MLC1: variants seen among roughly 807,000 people sequenced by gnomAD.
MLC1 encodes modulator of VRAC current 1.
Under a neutral mutation model 44.7 loss-of-function variants are expected in MLC1, and 32 were observed. That is an observed-to-expected ratio of 0.72 (90% confidence interval 0.54 to 0.96). The LOEUF (loss-of-function observed/expected upper bound fraction) is 0.96. Among genes scored for constraint, MLC1 ranks in the 40% least tolerant of loss-of-function variants. The pLI, the probability that MLC1 is intolerant of heterozygous loss-of-function variation, is 0.00. For synonymous variants in MLC1, 190 were observed against 213.0 expected, an observed-to-expected ratio of 0.89 and a Z score of 0.94; for missense variants, 459 against 492.2, an observed-to-expected ratio of 0.93 and a Z score of 0.64.
chr22:50,076,282 C>T (rs1363255383), intron 7 of MLC1, among the ~76,000 whole-genome samples: 3 of 152,084 alleles, frequency 2.0e-5, no homozygotes, highest in East Asian at 3.9e-4. Context: ...AGGCCAGGTG[C>T]GGTGGCTCAC....
At chr22:50,080,888 T>C (rs545663275) in intron 3 of MLC1, among the ~76,000 whole-genome samples, 177 of 152,152 alleles carry the variant, frequency 1.2e-3, no homozygotes, top group African/African-American at 4.0e-3. Flanking sequence ...CCGGGTGCAG[T>C]GGCTCACACC....
intron 6 of MLC1, 23 bp from the exon 7 acceptor site, chr22:50,076,935 C>T: frequency 1.2e-6 from 2 of 1,613,708 alleles, no homozygotes; most frequent in Non-Finnish European, 1.7e-6. Flanking sequence ...AGAACTGTCA[C>T]CCCGGGTGCA....
At chr22:50,068,654 C>A in intron 9 of MLC1, 99 bp from the exon 10 acceptor site, 1 of 1,308,222 alleles carries the variant, frequency 7.6e-7, no homozygotes, top group South Asian at 1.2e-5. Context: ...GCCGGGCACT[C>A]ATGGGCATAG....
intron 7 of MLC1, 113 bp downstream of exon 7, chr22:50,076,728 G>A (rs567877431): frequency 1.5e-5 from 16 of 1,082,214 alleles, no homozygotes; most frequent in East Asian, 4.8e-5. Context: ...GCCGCCATGC[G>A]GTGTAGACAG....
chr22:50,071,311 C>T (rs1413961542), intron 8 of MLC1, among the ~76,000 whole-genome samples: 3 of 152,110 alleles, frequency 2.0e-5, no homozygotes, highest in Non-Finnish European at 2.9e-5. Flanking sequence ...AGGCTGGTCT[C>T]GAACTCCTGA....
chr22:50,069,789 AG>A (rs2061804585), intron 9 of MLC1, among the ~76,000 whole-genome samples: 1 of 152,208 alleles, frequency 6.6e-6, no homozygotes, highest in African/African-American at 2.4e-5. Flanking sequence ...TGACCCATCA[AG>A]TCTCAGAGAC....
intron 3 of MLC1, among the ~76,000 whole-genome samples, chr22:50,081,879 C>T (rs1441067257): frequency 6.6e-6 from 1 of 152,256 alleles, no homozygotes; most frequent in Non-Finnish European, 1.5e-5. Context: ...CTCACAGCTC[C>T]ACTGGGACAA....
chr22:50,085,336 T>C lies in MLC1; in HGVS notation c.-60+19A>G. On this transcript the variant is annotated intron_variant, in intron 1 of 11. Coordinates refer to ENST00000311597, the MANE Select transcript of MLC1 (RefSeq NM_015166.4). ...GCAAAACATGCCTCTACTCAACGGC[T>C]TAATGTCTGAGCACTTACCTCCCCC... 1 of 467,220 alleles carries C rather than the reference T, an allele frequency of 2.1e-6. No individual in the cohort carries two copies. 28.9% of individuals were successfully genotyped at this position (467,220 alleles called of 1,614,324 possible). A position where few individuals can be genotyped will look rare whatever the true frequency, so the allele number is the denominator to read the frequency against.
rs1394376567 is a variant in MLC1, at chr22:50,077,317, G to A, written c.525+84C>T. On this transcript the variant is annotated intron_variant, in intron 6 of 11. Transcript: ENST00000311597. ...CTGGAGCAGCCCAGATCGGCCCTCC[G>A]AGGGTGACGCTGAGACCCACCTCGC... 19 of 1,243,892 alleles carry A rather than the reference G, an allele frequency of 1.5e-5. 1 individual carries two copies. Among genetic ancestry groups the A allele is most frequent in the Admixed American group, 1.5e-4 (8 of 52,830 alleles). The allele number at this position is 1,243,892 out of a possible 1,614,324, so 77.1% of individuals were successfully genotyped here.
chr22:50,080,858 A>C (rs2062104365), intron 3 of MLC1, among the ~76,000 whole-genome samples: 1 of 152,062 alleles, frequency 6.6e-6, no homozygotes, highest in African/African-American at 2.4e-5. Context: ...AAAATTACCC[A>C]AAAAAGGAAA....
At chr22:50,076,281 G>A (rs377396249) in intron 7 of MLC1, among the ~76,000 whole-genome samples, 1 of 152,178 alleles carries the variant, frequency 6.6e-6, no homozygotes, top group East Asian at 1.9e-4. Flanking sequence ...GAGGCCAGGT[G>A]CGGTGGCTCA....
chr22:50,074,504 C>A lies in MLC1; in HGVS notation c.598-172G>T, dbSNP rs573904591. ...CCCCAGCCTCACCTGGCCCAGACCC[C>A]CTCTGCCCTCAGCTGCGGCTTTTCA... On this transcript the variant is annotated intron_variant, in intron 7 of 11. Coordinates refer to ENST00000311597, the MANE Select transcript of MLC1 (RefSeq NM_015166.4). 7.0e-4 allele frequency: 466 copies of A among 663,040 alleles called. 1 individual carries two copies. The highest frequency in any genetic ancestry group is 4.9e-4 in the Non-Finnish European group (179 of 364,678). 41.1% of individuals were successfully genotyped at this position (663,040 alleles called of 1,614,324 possible).
At chr22:50,069,789 A>G (rs1367728818) in intron 9 of MLC1, among the ~76,000 whole-genome samples, 1 of 152,208 alleles carries the variant, frequency 6.6e-6, no homozygotes, top group African/African-American at 2.4e-5. Flanking sequence ...TGACCCATCA[A>G]GTCTCAGAGA....
intron 4 of MLC1, 98 bp downstream of exon 4, chr22:50,080,246 G>A (rs545041085): frequency 7.7e-6 from 11 of 1,437,830 alleles, no homozygotes; most frequent in Admixed American, 3.9e-5. Context: ...GTGCCACAAC[G>A]TCTGTGCGTG....
intron 8 of MLC1, among the ~76,000 whole-genome samples, chr22:50,073,655 C>G (rs2061911403): frequency 6.6e-6 from 1 of 152,226 alleles, no homozygotes; most frequent in Non-Finnish European, 1.5e-5. Context: ...ATTACTTGAA[C>G]CCGGGGAGGG....
intron 8 of MLC1, 99 bp downstream of exon 8, chr22:50,074,113 ACTCT>A: frequency 1.1e-6 from 1 of 939,648 alleles, no homozygotes; most frequent in East Asian, 2.6e-5. Context: ...CTCTGTGGTG[ACTCT>A]CTGTCTGAAT....
intron 11 of MLC1, among the ~76,000 whole-genome samples, chr22:50,062,267 A>ACCCTGTGCCCCAGCCG (rs2061585488): frequency 1.5e-5 from 1 of 68,292 alleles, no homozygotes; most frequent in African/African-American, 5.3e-5. Context: ...AGCCCAAGCC[A>ACCCTGTGCCCCAGCCG]CCCACCTTGA....
chr22:50,065,775 A>G (rs933738325), intron 10 of MLC1, among the ~76,000 whole-genome samples: 4 of 152,222 alleles, frequency 2.6e-5, no homozygotes, highest in African/African-American at 9.6e-5. Flanking sequence ...GCCGAGATTT[A>G]TCAGCATGAC....
Position 50,070,544 on chromosome 22 carries a change from ACT to A in MLC1, c.752_753del (p.Glu251ValfsTer40). The A allele has an allele frequency of 6.4e-7, 1 of 1,564,248 alleles. No individual in the cohort carries two copies. Among genetic ancestry groups the A allele is most frequent in the African/African-American group, 1.4e-5 (1 of 74,052 alleles). Reference sequence around the variant, plus strand: ...TCACCCACCAGACACTTGCTGGGACACTCTGCTGCCACATGACTGGCAATGGC... The same window carrying A: ...TCACCCACCAGACACTTGCTGGGACACTGCTGCCACATGACTGGCAATGGC... ...PSAIASHVAA[E>X]CPSKCLVEVL... On this transcript the variant is annotated frameshift_variant, in exon 9 of 12. Coordinates refer to ENST00000311597, the MANE Select transcript of MLC1 (RefSeq NM_015166.4). LOFTEE classifies it high-confidence loss of function.
Sources: allele counts gnomAD v4.1 joint callset (sites outside exome capture counted in the v4.1 genomes callset), GRCh38; gene constraint gnomAD v4.1.1; transcripts MANE v1.5; gene names NCBI Gene and HGNC (gene_info 2026-07-23, HGNC 2026-07-21).